The following CNTNAP2 variants were observed in gnomAD, a reference collection of about 807,000 sequenced individuals.
The protein encoded by CNTNAP2 is contactin-associated protein-like 2.
Under a neutral mutation model 155.2 loss-of-function variants are expected in CNTNAP2, and 98 were observed. The observed-to-expected ratio is 0.63, with a 90% CI of 0.54 to 0.75. The LOEUF (loss-of-function observed/expected upper bound fraction) is 0.75, where lower values mean the gene tolerates loss of function less well. Ranked by LOEUF, CNTNAP2 falls within the 30% of genes least tolerant of loss-of-function variation. The probability of loss-of-function intolerance (pLI) is 0.00; values close to 1 mark genes in which losing one functional copy is unlikely to be tolerated. For missense variants in CNTNAP2, 1,727 were observed against 1,688.1 expected, an observed-to-expected ratio of 1.02 and a Z score of -0.40; for synonymous variants, 651 against 631.2, an observed-to-expected ratio of 1.03 and a Z score of -0.47.
intron 8 of CNTNAP2, among the ~76,000 whole-genome samples, chr7:147,206,519 T>G (rs1457217637): frequency 6.6e-6 from 1 of 152,086 alleles, no homozygotes; most frequent in Non-Finnish European, 1.5e-5. Context: ...GTCGAGATCG[T>G]GACACTGCAC....
chr7:147,077,243 C>A (rs934122324), intron 4 of CNTNAP2, among the ~76,000 whole-genome samples: 3 of 151,856 alleles, frequency 2.0e-5, no homozygotes, highest in Non-Finnish European at 4.4e-5. Flanking sequence ...ATTAACTTTT[C>A]TTTTTTTCCT....
chr7:148,002,991 A>G (rs1382141456), intron 15 of CNTNAP2, among the ~76,000 whole-genome samples: 1 of 152,194 alleles, frequency 6.6e-6, no homozygotes, highest in African/African-American at 2.4e-5. Flanking sequence ...AGAAAGATGA[A>G]ATGGGTATTT....
At chr7:146,477,496 G>A (rs775083782) in intron 1 of CNTNAP2, among the ~76,000 whole-genome samples, 9 of 152,066 alleles carry the variant, frequency 5.9e-5, no homozygotes, top group Non-Finnish European at 1.3e-4. Flanking sequence ...TATTATCTAT[G>A]TAATCATTTT....
chr7:147,573,259 A>G (rs1041001580), intron 12 of CNTNAP2, among the ~76,000 whole-genome samples: 2 of 152,172 alleles, frequency 1.3e-5, no homozygotes, highest in African/African-American at 4.8e-5. Flanking sequence ...TGTTTGCTGC[A>G]TTTACGTACA....
intron 21 of CNTNAP2, among the ~76,000 whole-genome samples, chr7:148,372,794 T>G (rs1285209173): frequency 6.6e-6 from 1 of 152,230 alleles, no homozygotes; most frequent in Non-Finnish European, 1.5e-5. Flanking sequence ...GTTTTCAAAC[T>G]TTTTCACTTT....
chr7:146,340,262 CT>C (rs1384272092), intron 1 of CNTNAP2, among the ~76,000 whole-genome samples: 1 of 145,274 alleles, frequency 6.9e-6, no homozygotes, highest in Non-Finnish European at 1.5e-5. Context: ...ACAGGATAAC[CT>C]TTTTTTGTTT....
chr7:146,818,285 A>C (rs1803212592), intron 2 of CNTNAP2, among the ~76,000 whole-genome samples: 1 of 152,198 alleles, frequency 6.6e-6, no homozygotes, highest in South Asian at 2.1e-4. Context: ...TGACGATTTT[A>C]GCCTTTGTTT....
At chr7:147,090,672 C>T (rs548501002) in intron 4 of CNTNAP2, among the ~76,000 whole-genome samples, 19 of 152,160 alleles carry the variant, frequency 1.2e-4, no homozygotes, top group African/African-American at 4.3e-4. Context: ...TTACTTCTAA[C>T]ACCTTCCAAT....
intron 3 of CNTNAP2, among the ~76,000 whole-genome samples, chr7:147,004,240 C>T (rs372193315): frequency 2.5e-4 from 30 of 118,298 alleles, no homozygotes; most frequent in Non-Finnish European, 3.7e-4. Context: ...AAAAGAAAAA[C>T]GGTAACAAAA....
chr7:146,669,518 G>A (rs1436613161), intron 1 of CNTNAP2, among the ~76,000 whole-genome samples: 2 of 152,144 alleles, frequency 1.3e-5, no homozygotes, highest in African/African-American at 4.8e-5. Context: ...CAAAAATTCT[G>A]TTGCTTAGGA....
At chr7:147,280,442 A>T (rs1805009190) in intron 8 of CNTNAP2, among the ~76,000 whole-genome samples, 1 of 151,942 alleles carries the variant, frequency 6.6e-6, no homozygotes, top group African/African-American at 2.4e-5. Context: ...TCGTTTACGA[A>T]AATGCCAACA....
intron 3 of CNTNAP2, among the ~76,000 whole-genome samples, chr7:146,925,305 C>T (rs1279401147): frequency 6.6e-6 from 1 of 151,930 alleles, no homozygotes; most frequent in East Asian, 1.9e-4. Context: ...TCAATAAATA[C>T]ATATTATCAA....
chr7:148,380,416 A>G (rs1799028852), intron 21 of CNTNAP2, among the ~76,000 whole-genome samples: 2 of 152,232 alleles, frequency 1.3e-5, no homozygotes, highest in Non-Finnish European at 2.9e-5. Flanking sequence ...AAGATTTGAC[A>G]TCAGTTCACC....
At chr7:147,725,597 C>T (rs540657509) in intron 13 of CNTNAP2, among the ~76,000 whole-genome samples, 17 of 152,056 alleles carry the variant, frequency 1.1e-4, no homozygotes, top group Non-Finnish European at 2.2e-4. Flanking sequence ...AACTTTGGCT[C>T]TGAAATTTGA....
chr7:147,955,254 C>G (rs1801000534), intron 14 of CNTNAP2, among the ~76,000 whole-genome samples: 1 of 152,072 alleles, frequency 6.6e-6, no homozygotes, highest in African/African-American at 2.4e-5. Flanking sequence ...TTTTACATAT[C>G]AGAATTTCAT....
At chr7:147,495,566 A>G (rs1165230796) in intron 11 of CNTNAP2, among the ~76,000 whole-genome samples, 5 of 152,320 alleles carry the variant, frequency 3.3e-5, no homozygotes, top group African/African-American at 1.2e-4. Flanking sequence ...GTTGTCTACT[A>G]TGTAGTCAAT....
At chr7:148,277,825 C>T (rs1796901682) in intron 21 of CNTNAP2, among the ~76,000 whole-genome samples, 1 of 94,130 alleles carries the variant, frequency 1.1e-5, no homozygotes, top group Non-Finnish European at 2.3e-5. Context: ...GCTTTTACTT[C>T]CTACAAAAAA....
In CNTNAP2 at chr7:147,775,571, T is replaced by C. The variant is rs181754034; in HGVS notation, c.2099-127994T>C. ...TGACAGAATTAATGCTACTCAGAAT[T>C]TTATTGTGGGGATCAGAAAAGTCAA... On this transcript the variant is annotated intron_variant, in intron 13 of 23. Transcript: ENST00000361727. 4.7e-5 allele frequency among the ~76,000 whole-genome samples: 7 copies of C among 149,554 alleles called. No individual in the cohort carries two copies. The East Asian group carries it at 1.4e-3, about 30-fold the overall frequency.
intron 1 of CNTNAP2, among the ~76,000 whole-genome samples, chr7:146,723,385 A>G (rs969983730): frequency 6.6e-6 from 1 of 152,190 alleles, no homozygotes; most frequent in Non-Finnish European, 1.5e-5. Context: ...GTAAACTTCT[A>G]CTGTTCTAAC....
Sources: allele counts gnomAD v4.1 joint callset (sites outside exome capture counted in the v4.1 genomes callset), GRCh38; gene constraint gnomAD v4.1.1; transcripts MANE v1.5; gene names NCBI Gene and HGNC (gene_info 2026-07-23, HGNC 2026-07-21).